Variants in CLEC4D observed in about 807,000 individuals in gnomAD.
The protein encoded by CLEC4D is C-type (calcium dependent, carbohydrate-recognition domain) lectin, superfamily member 8.
CLEC4D carries 21 observed loss-of-function variants against 21.1 expected under a neutral mutation model. That is an observed-to-expected ratio of 1.00 (90% CI 0.71 to 1.43). The LOEUF (loss-of-function observed/expected upper bound fraction) is 1.43. Among genes scored for constraint, CLEC4D ranks in the 40% most tolerant of loss-of-function variants. CLEC4D has a pLI of 0.00. For synonymous variants in CLEC4D, 85 were observed against 83.1 expected, an observed-to-expected ratio of 1.02 and a Z score of -0.12; for missense variants, 289 against 260.7, an observed-to-expected ratio of 1.11 and a Z score of -0.75.
At chr12:8,518,458 C>T (rs1321468441) in intron 3 of CLEC4D, among the ~76,000 whole-genome samples, 184 bp downstream of exon 3, 2 of 152,154 alleles carry the variant, frequency 1.3e-5, no homozygotes, top group Non-Finnish European at 2.9e-5. Flanking sequence ...CAGTTAATAA[C>T]CGGAGAATAT....
the CLEC4D span, among the ~76,000 whole-genome samples, chr12:8,531,669 C>A: frequency 6.6e-6 from 1 of 151,796 alleles, no homozygotes; most frequent in East Asian, 1.9e-4. Flanking sequence ...TCAATCAAAA[C>A]CAAAATAAAA....
chr12:8,518,020 G>A, intron 2 of CLEC4D, 144 bp from the exon 3 acceptor site: 1 of 496,720 alleles, frequency 2.0e-6, no homozygotes, highest in South Asian at 3.7e-5. Context: ...ACCTGGAGCT[G>A]AAACAAACAA....
Position 8,513,730 on chromosome 12 carries a change from A to T in CLEC4D, c.-3A>T. ...GACCATTGAACAAGAGACTAATTAG[A>T]CAATGGGGCTAGAAAAACCTCAAAG... is the stretch of plus-strand genomic sequence containing the variant. On this transcript the variant is annotated 5_prime_UTR_variant, in exon 1 of 6. Coordinates refer to ENST00000299665, the MANE Select transcript of CLEC4D (RefSeq NM_080387.5). 1 of 1,127,074 alleles carries T rather than the reference A, an allele frequency of 8.9e-7. No individual in the cohort carries two copies. Among genetic ancestry groups the T allele is most frequent in the South Asian group, 1.2e-5 (1 of 80,868 alleles). The allele number at this position is 1,127,074 out of a possible 1,614,324, so 69.8% of individuals were successfully genotyped here.
chr12:8,527,777 G>A, the CLEC4D span, among the ~76,000 whole-genome samples: 3 of 152,202 alleles, frequency 2.0e-5, no homozygotes, highest in African/African-American at 7.2e-5. Context: ...GCTGAGAGCC[G>A]GTGAGAGTCG....
intron 5 of CLEC4D, among the ~76,000 whole-genome samples, chr12:8,520,567 G>T (rs557801945): frequency 1.4e-3 from 210 of 152,256 alleles, no homozygotes; most frequent in Non-Finnish European, 2.5e-3. Flanking sequence ...AGAATGAATA[G>T]CATAGAAGTG....
Position 8,514,621 on chromosome 12 carries a change from A to G in CLEC4D, c.29-615A>G, listed in dbSNP as rs117856925. Among the ~76,000 whole-genome samples the G allele has an allele frequency of 3.9e-3, 591 of 152,262 alleles. 22 individuals carry two copies. The East Asian group carries it at 0.078, about 20-fold the overall frequency. ...GCATTCCTAATTTTCCAGTCCAGGC[A>G]GCAGCATTTATTTTCTCACTAAGAG... On this transcript the variant is annotated intron_variant, in intron 1 of 5. Coordinates refer to ENST00000299665, the MANE Select transcript of CLEC4D (RefSeq NM_080387.5).
Position 8,518,978 on chromosome 12 carries a change from T to A in CLEC4D, c.233-31T>A, listed in dbSNP as rs769340085. ...CTGTTACAGATGAAATGCTCTTTTG[T>A]TACCAATTTCCGTTTTAATTTTCAC... On this transcript the variant is annotated intron_variant, in intron 3 of 5. Coordinates refer to ENST00000299665, the MANE Select transcript of CLEC4D (RefSeq NM_080387.5). 6 of 1,607,388 alleles carry A rather than the reference T, an allele frequency of 3.7e-6. No homozygotes were observed. The South Asian group carries it at 6.7e-5, about 18-fold the overall frequency.
chr12:8,530,117 TC>T, the CLEC4D span, among the ~76,000 whole-genome samples: 2 of 152,176 alleles, frequency 1.3e-5, no homozygotes, highest in East Asian at 3.8e-4. Context: ...TAAAGCATCA[TC>T]TAGTAAAATC....
chr12:8,518,799 G>A lies in CLEC4D; in HGVS notation c.233-210G>A, dbSNP rs191674880. 3.4e-4 allele frequency among the ~76,000 whole-genome samples: 52 copies of A among 152,296 alleles called. 1 individual carries two copies. The highest frequency in any genetic ancestry group is 2.4e-4 in the Non-Finnish European group (16 of 68,030). Reference sequence around the variant, plus strand: ...TAAGGCAATATTTTGTGATTTTCTCGTAGTCATTATGTGGTGTCCAGTACT... The same window carrying A: ...TAAGGCAATATTTTGTGATTTTCTCATAGTCATTATGTGGTGTCCAGTACT... On this transcript the variant is annotated intron_variant, in intron 3 of 5. Transcript: ENST00000299665.
chr12:8,514,761 T>A (rs1565491147), intron 1 of CLEC4D, among the ~76,000 whole-genome samples: 2 of 152,150 alleles, frequency 1.3e-5, no homozygotes, highest in Non-Finnish European at 2.9e-5. Flanking sequence ...ATTGGGCATA[T>A]TTTTGTTTGA....
chr12:8,517,964 AT>A (rs1940403817), intron 2 of CLEC4D, among the ~76,000 whole-genome samples, 199 bp from the exon 3 acceptor site: 1 of 152,174 alleles, frequency 6.6e-6, no homozygotes, highest in Non-Finnish European at 1.5e-5. Flanking sequence ...AAAGGACAAT[AT>A]GATAATAAAA....
downstream of CLEC4D, among the ~76,000 whole-genome samples, chr12:8,523,322 T>C (rs1940480758): frequency 6.6e-6 from 1 of 152,216 alleles, no homozygotes; most frequent in Admixed American, 6.5e-5. Context: ...ATTCTTCCTA[T>C]CCATGAAGAT....
rs1240288710 is a variant in CLEC4D, at chr12:8,519,290, C to T, written c.384+130C>T. ...CATCTGCCTGGAAAGCCCTTTCTTC[C>T]TCTTCAACTTTTTGTCATATGGCCA... On this transcript the variant is annotated intron_variant, in intron 4 of 5. Transcript: ENST00000299665. The T allele has an allele frequency of 1.6e-5, 22 of 1,359,876 alleles. No individual in the cohort carries two copies. The African/African-American group carries it at 2.8e-4, about 17-fold the overall frequency. The allele number at this position is 1,359,876 out of a possible 1,614,324, so 84.2% of individuals were successfully genotyped here. A position where few individuals can be genotyped will look rare whatever the true frequency, so the allele number is the denominator to read the frequency against.
At chr12:8,526,141 G>A (rs1012977716), downstream of CLEC4D, among the ~76,000 whole-genome samples, 9 of 152,078 alleles carry the variant, frequency 5.9e-5, no homozygotes, top group African/African-American at 2.2e-4. Flanking sequence ...TTTTGACATT[G>A]GAGAATCTGA....
In CLEC4D at chr12:8,518,708, G is replaced by A. The variant is rs777390627; in HGVS notation, c.233-301G>A. Among the ~76,000 whole-genome samples the A allele has an allele frequency of 3.3e-5, 5 of 152,320 alleles. No individual in the cohort carries two copies. The East Asian group carries it at 5.8e-4, about 18-fold the overall frequency. On this transcript the variant is annotated intron_variant, in intron 3 of 5. Coordinates refer to ENST00000299665, the MANE Select transcript of CLEC4D (RefSeq NM_080387.5). The stretch of plus-strand genomic sequence containing the variant: ...AGGTAAAATATCCTGCAAAAGCTTC[G>A]TAATGGAAACACTTTAAATGTGCAA...
chr12:8,517,947 GA>G (rs1166005826), intron 2 of CLEC4D, among the ~76,000 whole-genome samples: 3 of 149,832 alleles, frequency 2.0e-5, no homozygotes, highest in Admixed American at 6.6e-5. Flanking sequence ...CTCCGTCTCA[GA>G]AAAAAAAAGG....
intron 1 of CLEC4D, 72 bp from the exon 2 acceptor site, chr12:8,515,164 C>G (rs975118239): frequency 1.2e-6 from 1 of 828,856 alleles, no homozygotes; most frequent in African/African-American, 1.7e-5. Context: ...TTTTAGATTG[C>G]TCCTTGGTAG....
chr12:8,522,689 T>C (rs112768575), downstream of CLEC4D, among the ~76,000 whole-genome samples: 18 of 152,234 alleles, frequency 1.2e-4, no homozygotes, highest in African/African-American at 3.6e-4. Context: ...GGGCTTCGTA[T>C]AGTTAATATT....
downstream of CLEC4D, among the ~76,000 whole-genome samples, chr12:8,524,285 T>G (rs1940490024): frequency 6.6e-6 from 1 of 152,172 alleles, no homozygotes; most frequent in African/African-American, 2.4e-5. Flanking sequence ...CCAGTTCTTC[T>G]TTGTATTTCT....
Sources: allele counts gnomAD v4.1 joint callset (sites outside exome capture counted in the v4.1 genomes callset), GRCh38; gene constraint gnomAD v4.1.1; transcripts MANE v1.5; gene names NCBI Gene and HGNC (gene_info 2026-07-23, HGNC 2026-07-21).